The following UBA2 variants were observed in gnomAD, a reference collection of about 807,000 sequenced individuals.
UBA2 encodes the protein ubiquitin like modifier activating enzyme 2, also known as SUMO-activating enzyme subunit 2.
A neutral mutation model predicts 77.2 loss-of-function variants in UBA2; 11 were observed. The observed-to-expected ratio is 0.14, with a 90% CI of 0.09 to 0.24. The LOEUF (loss-of-function observed/expected upper bound fraction) is 0.24. Among genes scored for constraint, UBA2 ranks in the 10% least tolerant of loss-of-function variants. The pLI is 1.00. For missense variants in UBA2, 487 were observed against 781.7 expected (o/e 0.62, Z 4.50); for synonymous variants, 278 against 276.7 (o/e 1.00, Z -0.05).
chr19:34,450,412 C>T lies in UBA2; in HGVS notation c.871+48C>T, dbSNP rs527286806. On this transcript the variant is annotated intron_variant, in intron 9 of 16. Transcript: ENST00000246548. ...GGAACACCTAAGCTGGAAATATCCT[C>T]GCGTAAAGTCTTTGTATAGCCCTGT... 27 of 1,348,478 alleles carry T rather than the reference C, an allele frequency of 2.0e-5. No individual in the cohort carries two copies. The East Asian group carries it at 4.1e-4, about 20-fold the overall frequency. The allele number at this position is 1,348,478 out of a possible 1,614,324, so 83.5% of individuals were successfully genotyped here. A position where few individuals can be genotyped will look rare whatever the true frequency, so the allele number is the denominator to read the frequency against.
intron 12 of UBA2, 50 bp downstream of exon 12, chr19:34,454,606 T>A: frequency 1.1e-6 from 1 of 913,494 alleles, no homozygotes; most frequent in Non-Finnish European, 1.6e-6. Context: ...AAAAAATCAT[T>A]AATTAAAAGT....
At chr19:34,433,648 A>C (rs1350779162) in intron 4 of UBA2, among the ~76,000 whole-genome samples, 3 of 152,176 alleles carry the variant, frequency 2.0e-5, no homozygotes, top group Non-Finnish European at 4.4e-5. Flanking sequence ...AATAGAAGTG[A>C]AGTGAAAAGC....
At chr19:34,429,070 C>A (rs2075221327) in intron 1 of UBA2, 1 of 985,086 alleles carries the variant, frequency 1.0e-6, no homozygotes, top group African/African-American at 1.7e-5. Flanking sequence ...ATCTTCATAC[C>A]ACCCGAGGAG....
At chr19:34,444,044 G>GTTTTTTTTTTTTTTTTTTTTTTTTT (rs35028159) in intron 7 of UBA2, 133 bp downstream of exon 7, 1 of 164,990 alleles carries the variant, frequency 6.1e-6, no homozygotes, top group African/African-American at 4.4e-5. Flanking sequence ...TTTTTTTTTT[G>GTTTTTTTTTTTTTTTTTTTTTTTTT]TTTTTTTTTT....
intron 2 of UBA2, among the ~76,000 whole-genome samples, chr19:34,431,055 T>C (rs111533392): frequency 6.6e-6 from 1 of 152,050 alleles, no homozygotes; most frequent in African/African-American, 2.4e-5. Flanking sequence ...CCTTGGTGAT[T>C]CAGAGTCTTA....
At chr19:34,430,751 A>G in intron 2 of UBA2, 92 bp downstream of exon 2, 1 of 947,188 alleles carries the variant, frequency 1.1e-6, no homozygotes, top group South Asian at 1.5e-5. Flanking sequence ...GAGGGAAAAA[A>G]TGGGTGAAGC....
chr19:34,428,688 G>A, intron 1 of UBA2, 118 bp downstream of exon 1: 1 of 1,214,302 alleles, frequency 8.2e-7, no homozygotes, highest in Non-Finnish European at 1.0e-6. Flanking sequence ...CCGGAGTTGC[G>A]GAGCGGGGGC....
chr19:34,462,904 G>GGCC (rs1471139777), intron 14 of UBA2, among the ~76,000 whole-genome samples: 1 of 152,156 alleles, frequency 6.6e-6, no homozygotes, highest in Admixed American at 6.6e-5. Flanking sequence ...AGACCAGCTT[G>GGCC]GCCAATATGG....
At chr19:34,437,110 G>C (rs1384607532) in intron 5 of UBA2, among the ~76,000 whole-genome samples, 1 of 151,870 alleles carries the variant, frequency 6.6e-6, no homozygotes, top group East Asian at 1.9e-4. Context: ...TTTGATTCTT[G>C]AACAATTAGC....
intron 5 of UBA2, among the ~76,000 whole-genome samples, 187 bp downstream of exon 5, chr19:34,435,155 C>T (rs1483556834): frequency 2.6e-5 from 4 of 151,846 alleles, no homozygotes; most frequent in Admixed American, 6.6e-5. Context: ...CCCAGCACTT[C>T]GGGAGGCCGA....
At chr19:34,450,063 C>T (rs1314222172) in intron 8 of UBA2, among the ~76,000 whole-genome samples, 1 of 152,172 alleles carries the variant, frequency 6.6e-6, no homozygotes, top group Non-Finnish European at 1.5e-5. Context: ...AGCACTTCTG[C>T]ATTTCGCTGT....
At chr19:34,462,347 A>T (rs1475974813) in intron 14 of UBA2, among the ~76,000 whole-genome samples, 1 of 152,222 alleles carries the variant, frequency 6.6e-6, no homozygotes, top group Admixed American at 6.5e-5. Context: ...GGCGAGCACA[A>T]GACTTCACAG....
intron 6 of UBA2, 136 bp from the exon 7 acceptor site, chr19:34,443,708 G>T: frequency 1.7e-6 from 1 of 577,052 alleles, no homozygotes; most frequent in Non-Finnish European, 3.1e-6. Context: ...CCAAAATGTT[G>T]GGATTAAAGG....
intron 9 of UBA2, among the ~76,000 whole-genome samples, chr19:34,450,685 G>A (rs1247700962): frequency 6.8e-6 from 1 of 146,152 alleles, no homozygotes; most frequent in Non-Finnish European, 1.5e-5. Flanking sequence ...TTAACATGTA[G>A]TGTTTTTGTA....
At chr19:34,439,599 AT>A (rs1311753393) in intron 6 of UBA2, among the ~76,000 whole-genome samples, 2 of 151,904 alleles carry the variant, frequency 1.3e-5, no homozygotes, top group Admixed American at 1.3e-4. Context: ...GGAGGGTGAG[AT>A]GGGAGGATCC....
Position 34,456,100 on chromosome 19 carries a change from C to CTTTTTTTTTTTTTTTTTTTTTTTTT in UBA2, c.1245+1549_1245+1550insTTTTTTTTTTTTTTTTTTTTTTTTT. Among the ~76,000 whole-genome samples, 170 of 55,792 alleles carry CTTTTTTTTTTTTTTTTTTTTTTTTT rather than the reference C, an allele frequency of 3.0e-3. 56 individuals are homozygous for CTTTTTTTTTTTTTTTTTTTTTTTTT. The highest frequency in any genetic ancestry group is 8.4e-3 in the East Asian group (15 of 1,782). 36.6% of individuals were successfully genotyped at this position (55,792 alleles called of 152,430 possible). A position where few individuals can be genotyped will look rare whatever the true frequency, so the allele number is the denominator to read the frequency against. On this transcript the variant is annotated intron_variant, in intron 12 of 16. Transcript: ENST00000246548. ...CCCGATGCGCTCTTTTTTTCCTTTT[C>CTTTTTTTTTTTTTTTTTTTTTTTTT]TTTTTCTTTTTTTTTTTTTTTTTTG...
chr19:34,441,956 CAGG>C (rs1045598607), intron 6 of UBA2, among the ~76,000 whole-genome samples: 3 of 151,826 alleles, frequency 2.0e-5, no homozygotes, highest in Non-Finnish European at 4.4e-5. Flanking sequence ...ATAATGTGGC[CAGG>C]TGCAGTGACA....
At chr19:34,441,380 G>A (rs1303744304) in intron 6 of UBA2, among the ~76,000 whole-genome samples, 6 of 152,006 alleles carry the variant, frequency 3.9e-5, no homozygotes, top group African/African-American at 1.2e-4. Flanking sequence ...GCGTGAACCC[G>A]GGAGGCGGAG....
chr19:34,458,758 C>T lies in UBA2; in HGVS notation c.1246-11C>T, dbSNP rs1426768879. On this transcript the variant is annotated splice_polypyrimidine_tract_variant and intron_variant, in intron 12 of 16. Transcript: ENST00000246548. ...CGTTTCCGATTTCTGCCTGTTATTT[C>T]TCCTCCAAAGATTTTTTTGAATAAA... The T allele has an allele frequency of 1.9e-6, 3 of 1,604,772 alleles. No homozygotes were observed. Among genetic ancestry groups the T allele is most frequent in the Non-Finnish European group, 1.7e-6 (2 of 1,176,220 alleles).
Sources: allele counts gnomAD v4.1 joint callset (sites outside exome capture counted in the v4.1 genomes callset), GRCh38; gene constraint gnomAD v4.1.1; transcripts MANE v1.5; gene names NCBI Gene and HGNC (gene_info 2026-07-23, HGNC 2026-07-21).